The following KSR2 variants were observed in gnomAD, a reference collection of about 807,000 sequenced individuals.
The protein encoded by KSR2 is kinase suppressor of ras 2.
A neutral mutation model predicts 107.8 loss-of-function variants in KSR2; 25 were observed. The observed-to-expected ratio is 0.23, with a 90% CI of 0.17 to 0.32. KSR2 has a LOEUF of 0.32. KSR2 is among the 10% of genes least tolerant of loss of function. The pLI is 1.00. For synonymous variants in KSR2, 480 were observed against 507.0 expected, an observed-to-expected ratio of 0.95 and a Z score of 0.71; for missense variants, 887 against 1,268.9, an observed-to-expected ratio of 0.70 and a Z score of 4.57.
intron 7 of KSR2, among the ~76,000 whole-genome samples, chr12:117,565,348 C>T (rs965996728): frequency 5.3e-5 from 8 of 152,198 alleles, no homozygotes; most frequent in Non-Finnish European, 7.3e-5. Flanking sequence ...GTCTTTCCTT[C>T]CAGAGTGCAC....
chr12:117,739,891 T>G (rs566666270), intron 4 of KSR2, among the ~76,000 whole-genome samples: 348 of 145,990 alleles, frequency 2.4e-3, no homozygotes, highest in African/African-American at 8.0e-3. Context: ...GGTGTTACTG[T>G]TTTTTTTTTT....
chr12:117,639,469 A>G (rs1377315418), intron 5 of KSR2, among the ~76,000 whole-genome samples: 1 of 151,122 alleles, frequency 6.6e-6, no homozygotes, highest in Non-Finnish European at 1.5e-5. Context: ...AGCTGGGATT[A>G]CAGGTGTGCA....
chr12:117,691,461 G>T (rs1885811776), intron 4 of KSR2, among the ~76,000 whole-genome samples: 1 of 152,174 alleles, frequency 6.6e-6, no homozygotes, highest in African/African-American at 2.4e-5. Flanking sequence ...TTCTGGTTCT[G>T]TTGCCTTCGG....
intron 3 of KSR2, among the ~76,000 whole-genome samples, chr12:117,819,592 T>C (rs1891492250): frequency 6.6e-6 from 1 of 152,228 alleles, no homozygotes. Context: ...GTTGATTATA[T>C]CTCAGTTAAG....
chr12:117,886,702 A>G (rs1894188177), intron 1 of KSR2, among the ~76,000 whole-genome samples: 1 of 152,186 alleles, frequency 6.6e-6, no homozygotes, highest in Non-Finnish European at 1.5e-5. Context: ...ATATAATATA[A>G]TCACATATGT....
chr12:117,475,858 C>T (rs1871743932), intron 17 of KSR2, among the ~76,000 whole-genome samples: 1 of 152,170 alleles, frequency 6.6e-6, no homozygotes, highest in Non-Finnish European at 1.5e-5. Flanking sequence ...CTTGTAGCCA[C>T]CATGTTGTGA....
chr12:117,819,110 G>C (rs1296016109), intron 3 of KSR2, among the ~76,000 whole-genome samples: 1 of 152,034 alleles, frequency 6.6e-6, no homozygotes, highest in Non-Finnish European at 1.5e-5. Flanking sequence ...ATGAGATCAG[G>C]GGCTAGGTCT....
intron 3 of KSR2, among the ~76,000 whole-genome samples, chr12:117,808,635 A>T (rs1336821382): frequency 6.6e-6 from 1 of 152,140 alleles, no homozygotes; most frequent in East Asian, 1.9e-4. Context: ...AAAACGTAGC[A>T]TGTCTAATTG....
intron 14 of KSR2, among the ~76,000 whole-genome samples, chr12:117,505,131 A>T (rs1302815336): frequency 6.6e-6 from 1 of 152,064 alleles, no homozygotes; most frequent in Admixed American, 6.5e-5. Context: ...TATATACCAC[A>T]TTTTCTTTAT....
rs140195785 is a variant in KSR2 at position 117,458,238 on chromosome 12, C to T, written c.*8961G>A. ...AGCATCTGTGTGAGGACACAAAGAC[C>T]TCTCTTCTACCTTGTTCATCCTGTC... is the stretch of plus-strand genomic sequence containing the variant. On this transcript the variant is annotated 3_prime_UTR_variant, in exon 20 of 20. Transcript: ENST00000339824. 8.5e-5 allele frequency: 13 copies of T among 152,274 alleles called. No individual in the cohort carries two copies. The highest frequency in any genetic ancestry group is 2.9e-4 in the African/African-American group (12 of 41,572). 9.4% of individuals were successfully genotyped at this position (152,274 alleles called of 1,614,324 possible). A position where few individuals can be genotyped will look rare whatever the true frequency, so the allele number is the denominator to read the frequency against.
chr12:117,966,821 C>A (rs1304453298), intron 1 of KSR2, among the ~76,000 whole-genome samples: 2 of 152,036 alleles, frequency 1.3e-5, no homozygotes, highest in African/African-American at 4.8e-5. Flanking sequence ...CAGGCTACAA[C>A]AGGGGCAGGA....
At chr12:117,859,465 T>TA (rs1893213894) in intron 2 of KSR2, among the ~76,000 whole-genome samples, 1 of 150,282 alleles carries the variant, frequency 6.7e-6, no homozygotes, top group South Asian at 2.1e-4. Flanking sequence ...TTATTTATTT[T>TA]TTTTTTTTTG....
At chr12:117,795,793 T>C (rs981307610) in intron 3 of KSR2, among the ~76,000 whole-genome samples, 9 of 152,136 alleles carry the variant, frequency 5.9e-5, no homozygotes, top group Non-Finnish European at 1.3e-4. Flanking sequence ...CAATTTTTTG[T>C]AGAGACAGGG....
intron 3 of KSR2, among the ~76,000 whole-genome samples, chr12:117,850,015 C>A (rs1892860347): frequency 6.6e-6 from 1 of 152,206 alleles, no homozygotes; most frequent in African/African-American, 2.4e-5. Context: ...CTAGTTTATT[C>A]CTCAGTCTGG....
intron 5 of KSR2, among the ~76,000 whole-genome samples, chr12:117,631,329 G>A (rs1403865401): frequency 6.6e-6 from 1 of 152,138 alleles, no homozygotes; most frequent in East Asian, 1.9e-4. Flanking sequence ...AAAATTTGTT[G>A]AGTGATTAAA....
chr12:117,477,472 C>T (rs1231909022), intron 16 of KSR2, among the ~76,000 whole-genome samples: 2 of 152,144 alleles, frequency 1.3e-5, no homozygotes, highest in Admixed American at 6.5e-5. Flanking sequence ...GGAGCTTGCA[C>T]TTTAGTAGGG....
rs2136309964 is a variant in KSR2, at chr12:117,608,244, A to G, written c.1172-25885T>C. The stretch of plus-strand genomic sequence containing the variant: ...CCAATAATATGAGCTTGCCTAGCCC[A>G]CGGGTTCCTTGAAGACATGGCTGTG... On this transcript the variant is annotated intron_variant, in intron 5 of 19. Coordinates refer to ENST00000339824, the MANE Select transcript of KSR2 (RefSeq NM_173598.6). 2.6e-5 allele frequency among the ~76,000 whole-genome samples: 4 copies of G among 152,350 alleles called. No individual in the cohort carries two copies. In the Middle Eastern group the frequency reaches 0.01, roughly 391 times the overall value.
At chr12:117,695,376 C>T (rs1886010992) in intron 4 of KSR2, among the ~76,000 whole-genome samples, 1 of 152,036 alleles carries the variant, frequency 6.6e-6, no homozygotes, top group Non-Finnish European at 1.5e-5. Context: ...GTTTAAATAA[C>T]AAATGTTCTG....
intron 5 of KSR2, among the ~76,000 whole-genome samples, chr12:117,612,396 C>T (rs1329550751): frequency 1.3e-5 from 2 of 149,576 alleles, no homozygotes; most frequent in Non-Finnish European, 3.0e-5. Context: ...GAGCAAGTCT[C>T]CGTCTCAAAA....
Sources: gnomAD v4.1 joint callset for allele counts (sites outside exome capture counted in the v4.1 genomes callset) on GRCh38, gnomAD v4.1.1 for gene constraint, MANE v1.5 for transcripts, NCBI Gene and HGNC (gene_info 2026-07-23, HGNC 2026-07-21) for gene names.